TRPS1: variants seen among roughly 807,000 people sequenced by gnomAD.
TRPS1 encodes the protein zinc finger transcription factor Trps1.
Under a neutral mutation model 101.2 loss-of-function variants are expected in TRPS1, and 6 were observed. That is an observed-to-expected ratio of 0.06 (90% confidence interval 0.03 to 0.12). The LOEUF (loss-of-function observed/expected upper bound fraction) is 0.12. Among genes scored for constraint, TRPS1 ranks in the 10% least tolerant of loss-of-function variants. TRPS1 has a pLI of 1.00. For missense variants in TRPS1, 1,363 were observed against 1,567.0 expected, an observed-to-expected ratio of 0.87 and a Z score of 2.20; for synonymous variants, 578 against 589.8, an observed-to-expected ratio of 0.98 and a Z score of 0.29.
chr8:115,656,425 AT>A (rs2130619787), intron 1 of TRPS1, among the ~76,000 whole-genome samples: 1 of 152,184 alleles, frequency 6.6e-6, no homozygotes, highest in South Asian at 2.1e-4. Context: ...AGTATTTTAA[AT>A]TTTCTTATCA....
At chr8:115,554,827 A>T (rs1816780367) in intron 5 of TRPS1, among the ~76,000 whole-genome samples, 2 of 152,176 alleles carry the variant, frequency 1.3e-5, no homozygotes, top group Non-Finnish European at 2.9e-5. Context: ...GCACAGGTTC[A>T]GAGGAGAAGG....
intron 1 of TRPS1, among the ~76,000 whole-genome samples, chr8:115,624,271 G>T (rs1319568151): frequency 6.6e-6 from 1 of 151,956 alleles, no homozygotes; most frequent in Non-Finnish European, 1.5e-5. Context: ...GTTAGAGTAA[G>T]TCTACTATGA....
intron 5 of TRPS1, among the ~76,000 whole-genome samples, chr8:115,554,298 T>G (rs1171130670): frequency 6.6e-6 from 1 of 151,834 alleles, no homozygotes; most frequent in Non-Finnish European, 1.5e-5. Context: ...AAGAGTAGAG[T>G]CCCACTTGTC....
intron 1 of TRPS1, among the ~76,000 whole-genome samples, chr8:115,626,261 CAT>C (rs1818506710): frequency 6.7e-6 from 1 of 149,616 alleles, no homozygotes; most frequent in African/African-American, 2.5e-5. Flanking sequence ...TTTGAAAGAA[CAT>C]ATGTGTTTGC....
intron 4 of TRPS1, among the ~76,000 whole-genome samples, chr8:115,588,132 C>T (rs952718794): frequency 1.3e-5 from 2 of 152,076 alleles, no homozygotes; most frequent in African/African-American, 4.8e-5. Context: ...ATTTCTAATG[C>T]TGAAATGCTT....
At chr8:115,453,863 C>T (rs769664455) in intron 5 of TRPS1, among the ~76,000 whole-genome samples, 21 of 152,292 alleles carry the variant, frequency 1.4e-4, no homozygotes, top group Non-Finnish European at 2.9e-4. Flanking sequence ...GTCTTGCCCA[C>T]GGTGACACAC....
intron 5 of TRPS1, among the ~76,000 whole-genome samples, chr8:115,537,563 T>C (rs939226399): frequency 9.8e-5 from 15 of 152,328 alleles, no homozygotes; most frequent in Admixed American, 3.3e-4. Context: ...CATGTTTACG[T>C]ATTATAATAA....
At chr8:115,466,235 G>T (rs542518659) in intron 5 of TRPS1, among the ~76,000 whole-genome samples, 31 of 152,110 alleles carry the variant, frequency 2.0e-4, no homozygotes, top group Middle Eastern at 3.2e-3. Context: ...TGATGCCATA[G>T]GCGAAGCAAA....
intron 5 of TRPS1, among the ~76,000 whole-genome samples, chr8:115,469,835 GT>G (rs890663803): frequency 2.6e-5 from 4 of 151,998 alleles, no homozygotes; most frequent in African/African-American, 9.7e-5. Context: ...AGCCTGGTTT[GT>G]TTTTTTAAAA....
intron 5 of TRPS1, among the ~76,000 whole-genome samples, chr8:115,581,015 AT>A (rs1292306433): frequency 6.6e-6 from 1 of 152,182 alleles, no homozygotes; most frequent in Admixed American, 6.6e-5. Flanking sequence ...CCAACGACAG[AT>A]AAATGAATAA....
intron 5 of TRPS1, among the ~76,000 whole-genome samples, chr8:115,555,603 G>A (rs1459255062): frequency 1.3e-5 from 2 of 151,954 alleles, no homozygotes; most frequent in Admixed American, 1.3e-4. Flanking sequence ...AATGACATCA[G>A]TATGTGGTCA....
chr8:115,536,108 A>G (rs1454662157), intron 5 of TRPS1, among the ~76,000 whole-genome samples: 1 of 152,226 alleles, frequency 6.6e-6, no homozygotes, highest in African/African-American at 2.4e-5. Flanking sequence ...ACGTGTTACC[A>G]AAACTATTCA....
At chr8:115,546,708 A>G (rs1198740759) in intron 5 of TRPS1, among the ~76,000 whole-genome samples, 2 of 152,154 alleles carry the variant, frequency 1.3e-5, no homozygotes, top group South Asian at 2.1e-4. Flanking sequence ...ATCTACTATT[A>G]TAAGTACCTA....
At chr8:115,430,305 G>A (rs770633326) in intron 5 of TRPS1, among the ~76,000 whole-genome samples, 1 of 152,128 alleles carries the variant, frequency 6.6e-6, no homozygotes, top group Non-Finnish European at 1.5e-5. Context: ...AGTCACACAG[G>A]GGAAAGGAGG....
intron 5 of TRPS1, among the ~76,000 whole-genome samples, chr8:115,554,080 T>C (rs950232194): frequency 6.6e-6 from 1 of 152,148 alleles, no homozygotes; most frequent in Non-Finnish European, 1.5e-5. Flanking sequence ...GTGGAATGTT[T>C]AAAAGTATGA....
intron 5 of TRPS1, among the ~76,000 whole-genome samples, chr8:115,532,297 T>C (rs922930054): frequency 6.6e-6 from 1 of 151,864 alleles, no homozygotes; most frequent in African/African-American, 2.4e-5. Flanking sequence ...GTACAGCAAA[T>C]ATTTGACTGA....
intron 6 of TRPS1, among the ~76,000 whole-genome samples, chr8:115,416,246 A>G (rs1358978939): frequency 6.6e-6 from 1 of 151,988 alleles, no homozygotes; most frequent in Non-Finnish European, 1.5e-5. Flanking sequence ...AGGTATTTAT[A>G]TAATATGACT....
chr8:115,625,330 C>T (rs969012820), intron 1 of TRPS1, among the ~76,000 whole-genome samples: 5 of 151,878 alleles, frequency 3.3e-5, no homozygotes, highest in African/African-American at 9.7e-5. Context: ...CCATCTTTAC[C>T]TGTACAATAA....
In TRPS1 at chr8:115,664,775, T is replaced by C. The variant is rs937041164; in HGVS notation, c.-122+3770A>G. On this transcript the variant is annotated intron_variant, in intron 1 of 6. Transcript: ENST00000395715. ...TATTTGGGACAGAACTGTCTGAGTT[T>C]ATAGTTTTCTATGCCTGCTAAAAAC... Among the ~76,000 whole-genome samples, 8 of 152,166 alleles carry C rather than the reference T, an allele frequency of 5.3e-5. No individual in the cohort carries two copies. In the South Asian group the frequency reaches 1.2e-3, roughly 24 times the overall value.
Sources: allele counts gnomAD v4.1 joint callset (sites outside exome capture counted in the v4.1 genomes callset), GRCh38; gene constraint gnomAD v4.1.1; transcripts MANE v1.5; gene names NCBI Gene and HGNC (gene_info 2026-07-23, HGNC 2026-07-21).